NXPE1: variants seen among roughly 807,000 people sequenced by gnomAD.
The protein encoded by NXPE1 is NXPE family member 1.
NXPE1 carries 31 observed loss-of-function variants against 33.3 expected under a neutral mutation model. That is an observed-to-expected ratio of 0.93 (90% confidence interval 0.70 to 1.26). The LOEUF is 1.26. NXPE1 is among the 50% of genes most tolerant of loss of function. The pLI is 0.00. For synonymous variants in NXPE1, 229 were observed against 231.4 expected, an observed-to-expected ratio of 0.99 and a Z score of 0.09; for missense variants, 661 against 655.6, an observed-to-expected ratio of 1.01 and a Z score of -0.09.
At chr11:114,547,753 T>A (rs1325814247) in intron 5 of NXPE1, among the ~76,000 whole-genome samples, 1 of 151,972 alleles carries the variant, frequency 6.6e-6, no homozygotes, top group African/African-American at 2.4e-5. Flanking sequence ...AAAGAAATGA[T>A]GTAACATGGC....
intron 5 of NXPE1, among the ~76,000 whole-genome samples, chr11:114,547,210 A>G (rs1326779911): frequency 1.3e-5 from 2 of 152,208 alleles, no homozygotes; most frequent in East Asian, 1.9e-4. Flanking sequence ...GATCAAGATT[A>G]ACATCATCAG....
intron 5 of NXPE1, among the ~76,000 whole-genome samples, chr11:114,534,302 G>T (rs1274444118): frequency 6.6e-6 from 1 of 152,120 alleles, no homozygotes; most frequent in African/African-American, 2.4e-5. Flanking sequence ...CATCATCAAA[G>T]ACCAAAGGTA....
chr11:114,541,033 G>T (rs906036755), intron 5 of NXPE1, among the ~76,000 whole-genome samples: 9 of 151,858 alleles, frequency 5.9e-5, no homozygotes, highest in Middle Eastern at 3.4e-3. Flanking sequence ...GCACACCTGT[G>T]GGGTAGACCC....
rs181098833 is a variant in NXPE1 at position 114,539,864 on chromosome 11, G to T, written c.100-8956C>A. Among the ~76,000 whole-genome samples the T allele has an allele frequency of 3.0e-3, 456 of 151,838 alleles. 3 individuals carry two copies. Among genetic ancestry groups the T allele is most frequent in the African/African-American group, 0.011 (441 of 41,406 alleles). ...ATCAGAAATCAGAAAATTATATTTC[G>T]TAAATTGTATCAAGAAAATGGTTTC... On this transcript the variant is annotated intron_variant, in intron 5 of 8. Transcript: ENST00000534921.
At chr11:114,533,639 T>C (rs1040913863) in intron 5 of NXPE1, among the ~76,000 whole-genome samples, 4 of 152,220 alleles carry the variant, frequency 2.6e-5, no homozygotes, top group African/African-American at 9.6e-5. Context: ...GGAGATTATA[T>C]CCCGCACCTG....
chr11:114,552,753 A>G, intron 2 of NXPE1, 99 bp downstream of exon 2: 1 of 367,178 alleles, frequency 2.7e-6, no homozygotes, highest in Non-Finnish European at 3.7e-6. Flanking sequence ...GCAGCATTGA[A>G]AAAAAAGTAT....
exon 6 of NXPE1, chr11:114,530,543 C>T (rs1458716450): frequency 1.2e-6 from 2 of 1,613,994 alleles, no homozygotes; most frequent in Admixed American, 1.7e-5. Context: ...AGTCCATCAC[C>T]TTTCCTGAAG....
Position 114,535,134 on chromosome 11 carries a change from C to A in NXPE1, c.100-4226G>T, listed in dbSNP as rs1268348332. Among the ~76,000 whole-genome samples, 4 of 152,186 alleles carry A rather than the reference C, an allele frequency of 2.6e-5. No individual in the cohort carries two copies. The East Asian group carries it at 5.8e-4, about 22-fold the overall frequency. ...AGAGTGGGGACCAATATTCAAAATT[C>A]TTAAAGAAAAGAACTTTCAACCCAG... On this transcript the variant is annotated intron_variant, in intron 5 of 8. Coordinates refer to ENST00000534921, the Ensembl canonical transcript of NXPE1.
At chr11:114,530,390 T>C (rs373576385) in exon 6 of NXPE1, 2 of 1,614,086 alleles carry the variant, frequency 1.2e-6, no homozygotes, top group Non-Finnish European at 1.7e-6. Flanking sequence ...CAAATTTGCC[T>C]TTGAAAATAA....
intron 5 of NXPE1, among the ~76,000 whole-genome samples, chr11:114,544,956 T>TA (rs1187118115): frequency 6.6e-6 from 1 of 151,948 alleles, no homozygotes; most frequent in Non-Finnish European, 1.5e-5. Flanking sequence ...ACTAAATATA[T>TA]AAAAAAGACA....
intron 1 of NXPE1, among the ~76,000 whole-genome samples, chr11:114,554,824 TA>T (rs1948611102): frequency 6.6e-6 from 1 of 152,184 alleles, no homozygotes; most frequent in Non-Finnish European, 1.5e-5. Context: ...ATAAAGGTGT[TA>T]TTTTTTTCCC....
At chr11:114,525,076 T>C (rs999530759) in intron 7 of NXPE1, among the ~76,000 whole-genome samples, 1 of 152,028 alleles carries the variant, frequency 6.6e-6, no homozygotes, top group Non-Finnish European at 1.5e-5. Flanking sequence ...CACCCTTCCC[T>C]TATGCTCTGT....
At chr11:114,554,343 T>G in intron 1 of NXPE1, 1 of 985,170 alleles carries the variant, frequency 1.0e-6, no homozygotes. Flanking sequence ...CTCTTCCTAC[T>G]TGTGTAAATG....
At chr11:114,528,756 T>A (rs1947460614) in intron 6 of NXPE1, 1 of 619,726 alleles carries the variant, frequency 1.6e-6, no homozygotes, top group African/African-American at 1.8e-5. Flanking sequence ...AAGGGGAGAA[T>A]GAGGACCCAG....
chr11:114,532,953 A>G (rs1238395191), intron 5 of NXPE1, among the ~76,000 whole-genome samples: 1 of 152,196 alleles, frequency 6.6e-6, no homozygotes, highest in African/African-American at 2.4e-5. Context: ...AAAGGATTTG[A>G]TGTATTTCAA....
rs757144928 is a variant in NXPE1, at chr11:114,530,163, A to C, written c.833+12T>G. 1 of 1,580,880 alleles carries C rather than the reference A, an allele frequency of 6.3e-7. No individual in the cohort carries two copies. Among genetic ancestry groups the C allele is most frequent in the African/African-American group, 1.4e-5 (1 of 73,818 alleles). On this transcript the variant is annotated intron_variant, in intron 6 of 8. Coordinates refer to ENST00000534921, the Ensembl canonical transcript of NXPE1. The stretch of plus-strand genomic sequence containing the variant: ...GGGGACACTTCTCAGTATACATGAA[A>C]AGTATACTCACCTGTGGAAAAGGCT...
At chr11:114,553,758 C>T (rs1948582384) in intron 1 of NXPE1, 1 of 985,396 alleles carries the variant, frequency 1.0e-6, no homozygotes, top group Middle Eastern at 5.2e-4. Flanking sequence ...TGGAAATCCT[C>T]ACTGGTAGAG....
chr11:114,530,186 G>A (rs1157638747), exon 6 of NXPE1: 4 of 1,604,756 alleles, frequency 2.5e-6, no homozygotes, highest in Admixed American at 1.7e-5. Flanking sequence ...TGTGGAAAAG[G>A]CTGTTTTCCT....
chr11:114,529,679 T>A (rs1265802973), intron 6 of NXPE1: 1 of 159,132 alleles, frequency 6.3e-6, no homozygotes, highest in Admixed American at 5.8e-5. Context: ...CCAGTAGGAA[T>A]TGGCTTTTTA....
Sources: gnomAD v4.1 joint callset for allele counts (sites outside exome capture counted in the v4.1 genomes callset) on GRCh38, gnomAD v4.1.1 for gene constraint, MANE v1.5 for transcripts, NCBI Gene and HGNC (gene_info 2026-07-23, HGNC 2026-07-21) for gene names.